The following CDC42BPA variants were observed in gnomAD, a reference collection of about 807,000 sequenced individuals.
The protein encoded by CDC42BPA is serine/threonine-protein kinase MRCK alpha.
CDC42BPA carries 80 observed loss-of-function variants against 223.5 expected under a neutral mutation model. That is an observed-to-expected ratio of 0.36 (90% confidence interval 0.30 to 0.43). CDC42BPA has a LOEUF of 0.43. Among genes scored for constraint, CDC42BPA ranks in the 20% least tolerant of loss-of-function variants. CDC42BPA has a pLI of 1.00. For synonymous variants in CDC42BPA, 694 were observed against 718.6 expected (o/e 0.97, Z 0.55); for missense variants, 1,743 against 2,099.9 (o/e 0.83, Z 3.32).
At chr1:227,248,085 A>G (rs962299469) in intron 2 of CDC42BPA, among the ~76,000 whole-genome samples, 3 of 152,138 alleles carry the variant, frequency 2.0e-5, no homozygotes, top group African/African-American at 7.2e-5. Flanking sequence ...TGAAGCATGT[A>G]TAAGATCTAG....
chr1:226,995,369 C>A (rs1406211522), intron 35 of CDC42BPA, among the ~76,000 whole-genome samples: 1 of 152,186 alleles, frequency 6.6e-6, no homozygotes, highest in African/African-American at 2.4e-5. Context: ...TTTATGAAGT[C>A]ATGTTATCAT....
chr1:227,004,936 G>C (rs750123996), intron 35 of CDC42BPA, 58 bp downstream of exon 35: 59 of 1,108,710 alleles, frequency 5.3e-5, no homozygotes, highest in Non-Finnish European at 9.7e-6. Flanking sequence ...GGACAGGAGG[G>C]GAGGGAGCTG....
intron 2 of CDC42BPA, chr1:227,219,323 G>A (rs901342394): frequency 1.3e-5 from 2 of 152,234 alleles, no homozygotes; most frequent in Non-Finnish European, 2.9e-5. Flanking sequence ...AAGCCCAGAA[G>A]CCTTGAAGCT....
chr1:227,006,419 G>T (rs1242769474), intron 34 of CDC42BPA, among the ~76,000 whole-genome samples: 2 of 152,184 alleles, frequency 1.3e-5, no homozygotes, highest in Non-Finnish European at 2.9e-5. Flanking sequence ...CTGACTGACA[G>T]CAGGGCTTGG....
At chr1:227,250,944 C>T (rs1681893349) in intron 2 of CDC42BPA, among the ~76,000 whole-genome samples, 1 of 151,616 alleles carries the variant, frequency 6.6e-6, no homozygotes, top group African/African-American at 2.4e-5. Flanking sequence ...TCTTAGCTAC[C>T]CAGGATGCTG....
intron 1 of CDC42BPA, among the ~76,000 whole-genome samples, chr1:227,303,421 A>G (rs955622375): frequency 2.6e-5 from 4 of 152,222 alleles, no homozygotes; most frequent in Non-Finnish European, 5.9e-5. Flanking sequence ...TGTCCACCAT[A>G]AACTATGCCT....
chr1:227,247,610 C>T (rs1303840280), intron 2 of CDC42BPA, among the ~76,000 whole-genome samples: 11 of 149,904 alleles, frequency 7.3e-5, no homozygotes, highest in Admixed American at 5.3e-4. Flanking sequence ...CGGGGCCAGG[C>T]GTAGTGGCTC....
rs1286958050 is a variant in CDC42BPA at position 227,303,009 on chromosome 1, T to G, written c.178+13996A>C. Among the ~76,000 whole-genome samples the G allele has an allele frequency of 1.7e-4, 15 of 86,194 alleles. No individual in the cohort carries two copies. In the South Asian group the frequency reaches 4.2e-3, roughly 24 times the overall value. 56.5% of individuals were successfully genotyped at this position (86,194 alleles called of 152,430 possible). A position where few individuals can be genotyped will look rare whatever the true frequency, so the allele number is the denominator to read the frequency against. ...TTTATGTGATTTGGTTTTTTTGGGT[T>G]TTTTTTTTTTTTCGAAGTTATGCTT... On this transcript the variant is annotated intron_variant, in intron 1 of 36. Coordinates refer to ENST00000366766, the MANE Select transcript of CDC42BPA (RefSeq NM_001394014.1).
intron 15 of CDC42BPA, among the ~76,000 whole-genome samples, chr1:227,093,978 T>G (rs1472166375): frequency 6.6e-6 from 1 of 152,170 alleles, no homozygotes; most frequent in African/African-American, 2.4e-5. Context: ...ATTTATTAAC[T>G]TCACCTGAAA....
At chr1:227,059,339 C>G in intron 21 of CDC42BPA, 4 of 1,548,862 alleles carry the variant, frequency 2.6e-6, no homozygotes, top group Non-Finnish European at 2.6e-6. Context: ...TAAAAGGCCT[C>G]AGGATGGGTA....
At chr1:227,124,763 T>TG (rs1473812783) in intron 11 of CDC42BPA, among the ~76,000 whole-genome samples, 3 of 152,222 alleles carry the variant, frequency 2.0e-5, no homozygotes, top group African/African-American at 7.2e-5. Context: ...CTGGAGGCAA[T>TG]GAGGATCCAC....
At chr1:227,141,768 C>T (rs1659719538) in intron 9 of CDC42BPA, among the ~76,000 whole-genome samples, 1 of 152,200 alleles carries the variant, frequency 6.6e-6, no homozygotes, top group African/African-American at 2.4e-5. Flanking sequence ...TGTGCCACTG[C>T]ACTCCAGCCT....
chr1:227,137,130 G>A (rs567110258), intron 10 of CDC42BPA, among the ~76,000 whole-genome samples: 16 of 152,176 alleles, frequency 1.1e-4, no homozygotes, highest in South Asian at 4.1e-4. Flanking sequence ...AGGTTTCTAC[G>A]TTGTTTGTGA....
intron 18 of CDC42BPA, 115 bp downstream of exon 18, chr1:227,074,144 T>C (rs954556949): frequency 1.5e-6 from 2 of 1,337,526 alleles, no homozygotes; most frequent in Non-Finnish European, 2.1e-6. Context: ...TAAAAAACTC[T>C]TTAGTAGGCT....
intron 5 of CDC42BPA, among the ~76,000 whole-genome samples, chr1:227,186,073 A>C (rs1668730175): frequency 6.6e-6 from 1 of 152,196 alleles, no homozygotes; most frequent in African/African-American, 2.4e-5. Context: ...CCACAGCAGA[A>C]ACCTTGCAGA....
intron 6 of CDC42BPA, among the ~76,000 whole-genome samples, chr1:227,158,427 G>A (rs543701813): frequency 6.6e-6 from 1 of 152,038 alleles, no homozygotes; most frequent in South Asian, 2.1e-4. Flanking sequence ...ATGTTATAGA[G>A]AGTATTGATT....
At chr1:227,288,439 C>T (rs1316925027) in intron 1 of CDC42BPA, among the ~76,000 whole-genome samples, 4 of 152,108 alleles carry the variant, frequency 2.6e-5, no homozygotes, top group East Asian at 3.9e-4. Flanking sequence ...TGGCTCATGC[C>T]TGTAAACCTA....
chr1:227,022,656 C>G (rs116393500), intron 32 of CDC42BPA, among the ~76,000 whole-genome samples: 357 of 152,254 alleles, frequency 2.3e-3, no homozygotes, highest in African/African-American at 8.3e-3. Flanking sequence ...ACATTTAATT[C>G]TATGTGAACA....
intron 4 of CDC42BPA, 68 bp from the exon 5 acceptor site, chr1:227,194,002 C>G (rs1214888570): frequency 9.3e-7 from 1 of 1,069,808 alleles, no homozygotes; most frequent in Non-Finnish European, 1.3e-6. Flanking sequence ...TACTGTATCC[C>G]AAGGTCAACA....
Sources: gnomAD v4.1 joint callset for allele counts (sites outside exome capture counted in the v4.1 genomes callset) on GRCh38, gnomAD v4.1.1 for gene constraint, MANE v1.5 for transcripts, NCBI Gene and HGNC (gene_info 2026-07-23, HGNC 2026-07-21) for gene names.